The following AGBL1 variants were observed in gnomAD, a reference collection of about 807,000 sequenced individuals.
The protein encoded by AGBL1 is AGBL carboxypeptidase 1.
In AGBL1, 130 loss-of-function variants were observed where a neutral mutation model predicts 118.9. The observed-to-expected ratio is 1.09, with a 90% CI of 0.95 to 1.26. The LOEUF is 1.26. AGBL1 is among the 50% of genes most tolerant of loss of function. The pLI is 0.00. For synonymous variants in AGBL1, 555 were observed against 478.9 expected (o/e 1.16, Z -2.08); for missense variants, 1,584 against 1,298.1 (o/e 1.22, Z -3.38).
intron 22 of AGBL1, among the ~76,000 whole-genome samples, chr15:86,692,650 A>G (rs144153435): frequency 1.2e-3 from 188 of 152,222 alleles, no homozygotes; most frequent in African/African-American, 4.2e-3. Context: ...AACAGGTAGT[A>G]TTGGTTATAT....
chr15:86,275,241 A>G (rs549970853), intron 15 of AGBL1, among the ~76,000 whole-genome samples: 23 of 152,122 alleles, frequency 1.5e-4, no homozygotes, highest in Non-Finnish European at 3.1e-4. Context: ...ATCTCTTCTG[A>G]CATTTATCTC....
intron 17 of AGBL1, among the ~76,000 whole-genome samples, chr15:86,340,181 G>A (rs2080439528): frequency 6.6e-6 from 1 of 151,912 alleles, no homozygotes; most frequent in Admixed American, 6.6e-5. Flanking sequence ...TTTGTGTGAT[G>A]AGTGATTTTT....
At chr15:86,339,014 A>C (rs1404861978) in intron 17 of AGBL1, among the ~76,000 whole-genome samples, 2 of 152,120 alleles carry the variant, frequency 1.3e-5, no homozygotes, top group African/African-American at 4.8e-5. Context: ...GAATTTTGTC[A>C]GTGCTTTTTA....
chr15:86,644,137 A>C (rs1163750853), intron 21 of AGBL1, among the ~76,000 whole-genome samples: 1 of 152,168 alleles, frequency 6.6e-6, no homozygotes, highest in Non-Finnish European at 1.5e-5. Flanking sequence ...AATCATCACT[A>C]TTTCTATACA....
intron 21 of AGBL1, among the ~76,000 whole-genome samples, chr15:86,564,245 G>A (rs1464311006): frequency 6.6e-6 from 1 of 152,218 alleles, no homozygotes; most frequent in East Asian, 1.9e-4. Flanking sequence ...TTACAATTTG[G>A]CACGTTTTTG....
chr15:86,153,964 T>A (rs888373750), intron 3 of AGBL1, among the ~76,000 whole-genome samples: 7 of 152,174 alleles, frequency 4.6e-5, no homozygotes, highest in Non-Finnish European at 7.3e-5. Flanking sequence ...TAAAAATACG[T>A]GTGTAATTTA....
chr15:86,298,973 T>C (rs1001354754), intron 17 of AGBL1, among the ~76,000 whole-genome samples: 1 of 152,158 alleles, frequency 6.6e-6, no homozygotes, highest in East Asian at 1.9e-4. Flanking sequence ...CTTCCAAAAG[T>C]GTTTATTTTG....
intron 19 of AGBL1, among the ~76,000 whole-genome samples, chr15:86,543,232 A>C (rs1402457547): frequency 1.3e-5 from 2 of 148,574 alleles, no homozygotes; most frequent in Non-Finnish European, 3.1e-5. Flanking sequence ...TTAATTAATT[A>C]GAGTCTACCT....
chr15:86,346,840 G>C (rs542478066), intron 17 of AGBL1, among the ~76,000 whole-genome samples: 1 of 152,210 alleles, frequency 6.6e-6, no homozygotes, highest in African/African-American at 2.4e-5. Context: ...TGGAAGCTTT[G>C]AGAATCCATG....
chr15:86,182,043 G>C (rs2077559764), intron 5 of AGBL1, among the ~76,000 whole-genome samples: 1 of 151,926 alleles, frequency 6.6e-6, no homozygotes, highest in Non-Finnish European at 1.5e-5. Flanking sequence ...GAAAGGAAGT[G>C]AATAAAATAG....
rs543630678 is a variant in AGBL1 at position 86,637,119 on chromosome 15, T to G, written c.2995-37154T>G. The stretch of plus-strand genomic sequence containing the variant: ...ATGACAGAGGATGGACAAAATATAT[T>G]TGGTACCTGCCCTCATAGAGTTTGT... On this transcript the variant is annotated intron_variant, in intron 21 of 22. Coordinates refer to ENST00000614907, the MANE Select transcript of AGBL1 (RefSeq NM_001386094.1). Among the ~76,000 whole-genome samples, 5 of 151,984 alleles carry G rather than the reference T, an allele frequency of 3.3e-5. 1 individual carries two copies. The highest frequency in any genetic ancestry group is 2.6e-4 in the Admixed American group (4 of 15,250).
At chr15:86,866,905 G>A (rs1414489010) in intron 22 of AGBL1, among the ~76,000 whole-genome samples, 2 of 152,210 alleles carry the variant, frequency 1.3e-5, no homozygotes, top group Non-Finnish European at 2.9e-5. Context: ...AAGCTTCCCA[G>A]AGAAGAGAGT....
At chr15:86,303,675 C>A (rs1049150203) in intron 17 of AGBL1, among the ~76,000 whole-genome samples, 2 of 152,024 alleles carry the variant, frequency 1.3e-5, no homozygotes, top group Non-Finnish European at 1.5e-5. Flanking sequence ...CTAATTTTCT[C>A]AATCAGCAAG....
chr15:86,742,331 A>G (rs905794845), intron 22 of AGBL1, among the ~76,000 whole-genome samples: 2 of 152,168 alleles, frequency 1.3e-5, no homozygotes, highest in African/African-American at 4.8e-5. Flanking sequence ...AGATGAAACA[A>G]TGCCCTCTGC....
At chr15:86,971,636 T>A (rs2081109736) in intron 23 of AGBL1, among the ~76,000 whole-genome samples, 1 of 151,994 alleles carries the variant, frequency 6.6e-6, no homozygotes. Flanking sequence ...AATACATGAT[T>A]TCTCCTCTTA....
At chr15:86,303,090 T>C (rs1014983435) in intron 17 of AGBL1, among the ~76,000 whole-genome samples, 1 of 152,166 alleles carries the variant, frequency 6.6e-6, no homozygotes, top group Non-Finnish European at 1.5e-5. Context: ...AGCATTTACG[T>C]CTTAGACTTA....
At chr15:86,152,166 A>AC (rs146197434) in intron 3 of AGBL1, among the ~76,000 whole-genome samples, 74,059 of 151,996 alleles carry the variant, frequency 0.49, 19,404 homozygotes, top group African/African-American at 0.68. Flanking sequence ...GGAAAAAACT[A>AC]TTTTTAAATT....
rs181430829 is a variant in AGBL1 at position 86,602,435 on chromosome 15, C to G, written c.2994+47898C>G. Among the ~76,000 whole-genome samples, 10 of 152,264 alleles carry G rather than the reference C, an allele frequency of 6.6e-5. 1 individual carries two copies. The highest frequency in any genetic ancestry group is 2.4e-4 in the African/African-American group (10 of 41,558). On this transcript the variant is annotated intron_variant, in intron 21 of 22. Transcript: ENST00000614907. ...AAATTGAAATTGATAAAAAGAAATT[C>G]ATCCTCATTTCAAAGAGAGGGAAAT...
In AGBL1 at chr15:86,913,200, TACAC is replaced by T. The variant is rs10556535; in HGVS notation, c.*5931_*5934del. On this transcript the variant is annotated 3_prime_UTR_variant, in exon 23 of 23. Coordinates refer to ENST00000614907, the MANE Select transcript of AGBL1 (RefSeq NM_001386094.1). ...TTGAGTTCCCCACCACACACACACATACACACACACACACACACACACACACACG... is the reference window on the plus strand; with the variant it reads ...TTGAGTTCCCCACCACACACACACATACACACACACACACACACACACACG... The T allele has an allele frequency of 3.6e-3, 538 of 148,328 alleles. 1 individual carries two copies. The highest frequency in any genetic ancestry group is 0.011 in the African/African-American group (440 of 40,644). The allele number at this position is 148,328 out of a possible 1,614,324, so 9.2% of individuals were successfully genotyped here.
Sources: allele counts gnomAD v4.1 joint callset (sites outside exome capture counted in the v4.1 genomes callset), GRCh38; gene constraint gnomAD v4.1.1; transcripts MANE v1.5; gene names NCBI Gene and HGNC (gene_info 2026-07-23, HGNC 2026-07-21).